The following ARHGEF12 variants were observed in gnomAD, a reference collection of about 807,000 sequenced individuals.
The protein encoded by ARHGEF12 is Rho guanine nucleotide exchange factor 12, also known as KMT2A/ARHGEF12 fusion protein.
Under a neutral mutation model 211.2 loss-of-function variants are expected in ARHGEF12, and 66 were observed. The observed-to-expected ratio is 0.31, with a 90% CI of 0.26 to 0.38. The LOEUF (loss-of-function observed/expected upper bound fraction) is 0.38, where lower values mean the gene tolerates loss of function less well. Among genes scored for constraint, ARHGEF12 ranks in the 10% least tolerant of loss-of-function variants. ARHGEF12 has a pLI of 1.00. For missense variants in ARHGEF12, 1,429 were observed against 1,869.5 expected (o/e 0.76, Z 4.34); for synonymous variants, 592 against 638.4 (o/e 0.93, Z 1.09).
intron 22 of ARHGEF12, among the ~76,000 whole-genome samples, chr11:120,453,200 A>G (rs7110955): frequency 0.22 from 33,960 of 152,000 alleles, 3,963 homozygotes; most frequent in African/African-American, 0.24. Context: ...CAAGAAGTAC[A>G]AGTGACATTT....
At chr11:120,453,055 T>C (rs1282905467) in intron 22 of ARHGEF12, among the ~76,000 whole-genome samples, 7 of 151,368 alleles carry the variant, frequency 4.6e-5, no homozygotes, top group Admixed American at 6.6e-5. Flanking sequence ...AAAAATCATA[T>C]TGAGGAACAA....
chr11:120,348,462 T>C (rs1942833877), intron 1 of ARHGEF12, among the ~76,000 whole-genome samples: 1 of 152,234 alleles, frequency 6.6e-6, no homozygotes, highest in East Asian at 1.9e-4. Context: ...GGGTGCCATG[T>C]GCCACAGGTG....
In ARHGEF12 at chr11:120,451,744, C is replaced by T. The variant is rs549388387; in HGVS notation, c.2056+20C>T. ...ATACAGGTGAGCTATTACTGTAGTT[C>T]AGCTTAACTAAGCATCAAGATTTTA... On this transcript the variant is annotated intron_variant, in intron 22 of 40. Transcript: ENST00000397843. 6 of 1,599,612 alleles carry T rather than the reference C, an allele frequency of 3.8e-6. No homozygotes were observed. Among genetic ancestry groups the T allele is most frequent in the Admixed American group, 3.4e-5 (2 of 59,014 alleles).
At chr11:120,393,572 G>A (rs796321540) in intron 1 of ARHGEF12, among the ~76,000 whole-genome samples, 26 of 152,060 alleles carry the variant, frequency 1.7e-4, no homozygotes, top group African/African-American at 6.0e-4. Flanking sequence ...TATCAACAGG[G>A]ATAAAAAAAG....
chr11:120,447,227 AT>A (rs199506820), intron 18 of ARHGEF12, 142 bp downstream of exon 18: 756 of 887,344 alleles, frequency 8.5e-4, no homozygotes, highest in South Asian at 1.3e-3. Flanking sequence ...GAGAAACTGG[AT>A]TTTTTTTTTC....
chr11:120,424,047 A>G (rs1017410381), intron 6 of ARHGEF12, among the ~76,000 whole-genome samples: 2 of 152,114 alleles, frequency 1.3e-5, no homozygotes, highest in Admixed American at 1.3e-4. Context: ...GATCTTTTCT[A>G]TTTGTATGAG....
At chr11:120,473,023 C>G (rs370855134) in intron 30 of ARHGEF12, 27 bp from the exon 31 acceptor site, 1 of 1,605,576 alleles carries the variant, frequency 6.2e-7, no homozygotes, top group African/African-American at 1.3e-5. Flanking sequence ...AAGCACTAAC[C>G]TTGGTTCCAC....
chr11:120,392,793 A>G (rs1302597960), intron 1 of ARHGEF12, among the ~76,000 whole-genome samples: 2 of 152,220 alleles, frequency 1.3e-5, no homozygotes, highest in African/African-American at 2.4e-5. Flanking sequence ...AAGAAGTTTC[A>G]CATCATTCTC....
rs1038473103 is a variant in ARHGEF12 at position 120,432,028 on chromosome 11, T to A, written c.924+117T>A. 5.5e-6 allele frequency: 5 copies of A among 905,028 alleles called. No homozygotes were observed. In the Admixed American group the frequency reaches 1.5e-4, roughly 26 times the overall value. The allele number at this position is 905,028 out of a possible 1,614,324, so 56.1% of individuals were successfully genotyped here. The stretch of plus-strand genomic sequence containing the variant: ...GTCTTAGCACTTTTTACCATCCCCA[T>A]TTTTAATGTACCAATTTGATAAACA... On this transcript the variant is annotated intron_variant, in intron 11 of 40. Transcript: ENST00000397843.
intron 6 of ARHGEF12, among the ~76,000 whole-genome samples, chr11:120,422,903 G>T (rs1945238909): frequency 6.6e-6 from 1 of 152,068 alleles, no homozygotes; most frequent in Non-Finnish European, 1.5e-5. Flanking sequence ...GAAAGAATGG[G>T]TTAGTTAGTA....
intron 1 of ARHGEF12, among the ~76,000 whole-genome samples, chr11:120,356,369 C>T (rs753002080): frequency 4.6e-5 from 7 of 152,088 alleles, no homozygotes; most frequent in African/African-American, 1.2e-4. Context: ...TACAGGTGTG[C>T]GCCACCACAC....
intron 1 of ARHGEF12, among the ~76,000 whole-genome samples, chr11:120,397,365 A>AC (rs1944422923): frequency 6.6e-6 from 1 of 152,140 alleles, no homozygotes. Context: ...TTTTCTGTTT[A>AC]CCTAGTACCC....
chr11:120,407,281 T>G (rs1239395041), intron 2 of ARHGEF12, among the ~76,000 whole-genome samples: 1 of 152,250 alleles, frequency 6.6e-6, no homozygotes, highest in Non-Finnish European at 1.5e-5. Flanking sequence ...ATCAGCAGGC[T>G]TAAAATGAGG....
rs1944578778 is a variant in ARHGEF12 at position 120,402,740 on chromosome 11, G to A, written c.33-3378G>A. On this transcript the variant is annotated intron_variant, in intron 1 of 40. Transcript: ENST00000397843. ...CAGCATTTCTTCTCATATGGCTTCA[G>A]AACACTTCTCACTGAAGTATTGTCA... 3.9e-5 allele frequency among the ~76,000 whole-genome samples: 6 copies of A among 152,248 alleles called. No homozygotes were observed. The South Asian group carries it at 1.2e-3, about 32-fold the overall frequency.
chr11:120,418,803 A>G (rs1291579692), intron 4 of ARHGEF12, among the ~76,000 whole-genome samples: 2 of 152,008 alleles, frequency 1.3e-5, no homozygotes, highest in African/African-American at 2.4e-5. Context: ...ACATGTGCTT[A>G]TTGGCCATTG....
At chr11:120,350,243 C>T (rs755648756) in intron 1 of ARHGEF12, among the ~76,000 whole-genome samples, 3 of 151,954 alleles carry the variant, frequency 2.0e-5, no homozygotes, top group African/African-American at 4.8e-5. Flanking sequence ...GTGGCAGGCG[C>T]GGTGGCTCAC....
At chr11:120,370,714 A>G (rs2135408036) in intron 1 of ARHGEF12, among the ~76,000 whole-genome samples, 1 of 152,156 alleles carries the variant, frequency 6.6e-6, no homozygotes, top group East Asian at 1.9e-4. Context: ...TAGGTACTTT[A>G]TGATTTTCTC....
chr11:120,419,455 A>T, intron 4 of ARHGEF12, among the ~76,000 whole-genome samples: 1 of 119,914 alleles, frequency 8.3e-6, no homozygotes, highest in Admixed American at 7.9e-5. Flanking sequence ...GGTCTTGACG[A>T]TTTCCTTTTG....
chr11:120,473,259 A>G, intron 31 of ARHGEF12, 132 bp downstream of exon 31: 1 of 786,100 alleles, frequency 1.3e-6, no homozygotes, highest in Non-Finnish European at 2.0e-6. Flanking sequence ...TGTATTTATG[A>G]TTTTTTTTGC....
Sources: gnomAD v4.1 joint callset for allele counts (sites outside exome capture counted in the v4.1 genomes callset) on GRCh38, gnomAD v4.1.1 for gene constraint, MANE v1.5 for transcripts, NCBI Gene and HGNC (gene_info 2026-07-23, HGNC 2026-07-21) for gene names.